The following BICRA variants were observed in gnomAD, a reference collection of about 807,000 sequenced individuals.
The protein encoded by BICRA is BRD4-interacting chromatin-remodeling complex-associated protein.
BICRA carries 31 observed loss-of-function variants against 96.9 expected under a neutral mutation model. The observed-to-expected ratio is 0.32, with a 90% CI of 0.24 to 0.43. The LOEUF (loss-of-function observed/expected upper bound fraction) is 0.43, where lower values mean the gene tolerates loss of function less well. Among genes scored for constraint, BICRA ranks in the 20% least tolerant of loss-of-function variants. The probability of loss-of-function intolerance (pLI) is 1.00; values close to 1 mark genes in which losing one functional copy is unlikely to be tolerated. For missense variants in BICRA, 2,283 were observed against 2,190.3 expected (o/e 1.04, Z -0.84); for synonymous variants, 1,350 against 1,071.8 (o/e 1.26, Z -5.07).
At chr19:47,639,652 TTTTA>T (rs1378574856) in intron 1 of BICRA, among the ~76,000 whole-genome samples, 31 of 62,566 alleles carry the variant, frequency 5.0e-4, no homozygotes, top group African/African-American at 1.7e-3. Context: ...TTTTTTTTTT[TTTTA>T]AGAGACAGGG....
Position 47,695,552 on chromosome 19 carries a change from G to C in BICRA, c.3186+78G>C. ...TGGGAACTGGGGCTGGCAGGGGCAG[G>C]GAGACACTGGAAGACGCGGACAGGA... is the stretch of plus-strand genomic sequence containing the variant. On this transcript the variant is annotated intron_variant, in intron 10 of 14. Transcript: ENST00000594866. 4.2e-6 allele frequency: 3 copies of C among 711,478 alleles called. No homozygotes were observed. The South Asian group carries it at 4.8e-5, about 11-fold the overall frequency. The allele number at this position is 711,478 out of a possible 1,614,324, so 44.1% of individuals were successfully genotyped here. A position where few individuals can be genotyped will look rare whatever the true frequency, so the allele number is the denominator to read the frequency against.
chr19:47,624,547 G>A (rs1175496411), intron 1 of BICRA, among the ~76,000 whole-genome samples: 2 of 152,146 alleles, frequency 1.3e-5, no homozygotes, highest in East Asian at 1.9e-4. Context: ...TGCTGATACT[G>A]ACATGAAGTG....
chr19:47,643,160 A>G (rs896256353), intron 1 of BICRA, among the ~76,000 whole-genome samples: 9 of 152,194 alleles, frequency 5.9e-5, no homozygotes, highest in Non-Finnish European at 1.5e-5. Context: ...TGTAAAGACA[A>G]GGTTTCGCCA....
chr19:47,610,007 G>A (rs1454088891), intron 1 of BICRA, among the ~76,000 whole-genome samples: 2 of 152,184 alleles, frequency 1.3e-5, no homozygotes, highest in Non-Finnish European at 2.9e-5. Flanking sequence ...CGAGGTTCGG[G>A]GCGGCCCCCC....
In BICRA at chr19:47,699,102, C is replaced by T; in HGVS notation, c.3492+43C>T. On this transcript the variant is annotated intron_variant, in intron 13 of 14. Coordinates refer to ENST00000594866, the MANE Select transcript of BICRA (RefSeq NM_001394372.1). This position sits in a 1 kb window ranked among gnomAD's most constrained non-coding sequence, Gnocchi z 5.0. ...TTCCTCGCCTCTGGGCTCCTCCTCG[C>T]TGGGACACTGCCCCTTTCCCTCACC... The T allele has an allele frequency of 7.7e-7, 1 of 1,296,576 alleles. No homozygotes were observed. The highest frequency in any genetic ancestry group is 1.1e-6 in the Non-Finnish European group (1 of 918,092). 80.3% of individuals were successfully genotyped at this position (1,296,576 alleles called of 1,614,324 possible). A position where few individuals can be genotyped will look rare whatever the true frequency, so the allele number is the denominator to read the frequency against.
rs1450850806 is a variant in BICRA at position 47,698,049 on chromosome 19, C to A, written c.3249-585C>A. ...CCCACTCAGTGCCCAGGCCTGAGCCCCATGTTGGGAACACAGGAGTAAGTG... is the reference window on the plus strand; with the variant it reads ...CCCACTCAGTGCCCAGGCCTGAGCCACATGTTGGGAACACAGGAGTAAGTG... On this transcript the variant is annotated intron_variant, in intron 11 of 14. Transcript: ENST00000594866. The surrounding 1 kb of genome is among the most constrained non-coding windows in gnomAD (Gnocchi z 4.8). 6.6e-6 allele frequency among the ~76,000 whole-genome samples: 1 copy of A among 152,146 alleles called. No homozygotes were observed. Among genetic ancestry groups the A allele is most frequent in the East Asian group, 1.9e-4 (1 of 5,192 alleles).
chr19:47,638,197 G>A (rs751895466), intron 1 of BICRA, among the ~76,000 whole-genome samples: 10 of 152,074 alleles, frequency 6.6e-5, no homozygotes, highest in Non-Finnish European at 1.5e-4. Flanking sequence ...TAATTTCCAG[G>A]GAGCCCGGGG....
At chr19:47,689,032 G>A (rs1394041821) in intron 7 of BICRA, among the ~76,000 whole-genome samples, 1 of 151,898 alleles carries the variant, frequency 6.6e-6, no homozygotes, top group Non-Finnish European at 1.5e-5. Context: ...TCACCATGTT[G>A]GCCAGGCTGG....
At chr19:47,671,916 A>G (rs1180345284) in intron 2 of BICRA, among the ~76,000 whole-genome samples, 11 of 69,422 alleles carry the variant, frequency 1.6e-4, no homozygotes, top group Admixed American at 1.9e-4. Context: ...GAGATGGGTA[A>G]GTAGATGGGT....
rs761559226 is a variant in BICRA at position 47,698,586 on chromosome 19, T to TCCCCC, written c.3249-45_3249-41dup. On this transcript the variant is annotated intron_variant, in intron 11 of 14. Coordinates refer to ENST00000594866, the MANE Select transcript of BICRA (RefSeq NM_001394372.1). The surrounding 1 kb of genome is among the most constrained non-coding windows in gnomAD (Gnocchi z 4.8). ...AGGGACTTCCCCTGGCCCTCACCCG[T>TCCCCC]CCCCCCCACCCTCCGCCGTGTGTGG... The TCCCCC allele has an allele frequency of 8.8e-5, 63 of 716,500 alleles. No homozygotes were observed. The highest frequency in any genetic ancestry group is 1.1e-4 in the East Asian group (4 of 34,872). The allele number at this position is 716,500 out of a possible 1,614,324, so 44.4% of individuals were successfully genotyped here.
intron 1 of BICRA, among the ~76,000 whole-genome samples, chr19:47,610,891 G>T (rs994319471): frequency 9.2e-5 from 14 of 152,058 alleles, no homozygotes; most frequent in Admixed American, 2.6e-4. Context: ...AGGACTTTTG[G>T]GACATGTTGA....
chr19:47,694,718 T>G lies in BICRA; in HGVS notation c.2887T>G (p.Phe963Val), dbSNP rs200677025. 1.3e-6 allele frequency: 2 copies of G among 1,509,444 alleles called. No individual in the cohort carries two copies. The highest frequency in any genetic ancestry group is 9.1e-7 in the Non-Finnish European group (1 of 1,104,438). 93.5% of individuals were successfully genotyped at this position (1,509,444 alleles called of 1,614,324 possible). ...CCAGCCGAAGGCTCTTCTCGAGAGA[T>G]TTCACCAGGTAACGGGAGGCAGGGA... Reference protein sequence around the residue: ...LPQPKALLERFHQVPSGIILQ... With the variant: ...LPQPKALLERVHQVPSGIILQ... The change falls in exon 8 of 15, where the codon TTT becomes GTT. Residue 963 changes from phenylalanine (F) to valine (V), a missense_variant. Phe to Val is a conservative substitution (Grantham distance 50, BLOSUM62 -1). Transcript: ENST00000594866.
At position 47,680,473 on chromosome 19, in the gene BICRA, G is replaced by A; in HGVS notation, c.1303G>A (p.Ala435Thr). 6.5e-7 allele frequency: 1 copy of A among 1,540,598 alleles called. No homozygotes were observed. Among genetic ancestry groups the A allele is most frequent in the Non-Finnish European group, 8.7e-7 (1 of 1,145,486 alleles). The change falls in exon 6 of 15, where the codon GCC (alanine) becomes ACC (threonine). Residue 435 changes from alanine to threonine, a missense_variant. By Grantham distance (58) the Ala-to-Thr change is moderately conservative. Transcript: ENST00000594866. ...GCCACCGGCCACCACCACCGGAGCG[G>A]CCCCGCCGCAGCCCCCCGGGGCCCT... ...KQPPATTTGAAPPQPPGALSK... is the reference protein window; with the variant it reads ...KQPPATTTGATPPQPPGALSK...
intron 4 of BICRA, among the ~76,000 whole-genome samples, chr19:47,674,198 A>AGCTC (rs561559644): frequency 3.5e-4 from 53 of 152,172 alleles, no homozygotes; most frequent in African/African-American, 1.2e-3. Context: ...GGGAAGAGCA[A>AGCTC]GTTCAAAGGT....
intron 1 of BICRA, among the ~76,000 whole-genome samples, chr19:47,639,200 G>T (rs1054752550): frequency 1.3e-5 from 2 of 151,194 alleles, no homozygotes; most frequent in Non-Finnish European, 2.9e-5. Flanking sequence ...TAGAGATGAG[G>T]TTTCATCATG....
At chr19:47,660,430 G>C (rs560534354) in intron 1 of BICRA, among the ~76,000 whole-genome samples, 2 of 152,170 alleles carry the variant, frequency 1.3e-5, no homozygotes, top group South Asian at 4.1e-4. Flanking sequence ...TCCAAATAAG[G>C]ATGGCCACAT....
At chr19:47,682,792 C>G (rs1015282696) in intron 7 of BICRA, among the ~76,000 whole-genome samples, 4 of 152,086 alleles carry the variant, frequency 2.6e-5, no homozygotes, top group Non-Finnish European at 5.9e-5. Context: ...CTGCCTCCAC[C>G]TCCCGCGTAG....
At chr19:47,687,113 T>G (rs561910267) in intron 7 of BICRA, among the ~76,000 whole-genome samples, 2 of 152,348 alleles carry the variant, frequency 1.3e-5, no homozygotes, top group East Asian at 3.9e-4. Flanking sequence ...TTTGTTTATT[T>G]TTCTGGGCAA....
intron 1 of BICRA, among the ~76,000 whole-genome samples, chr19:47,640,135 A>G (rs1240345593): frequency 6.6e-6 from 1 of 152,194 alleles, no homozygotes; most frequent in Non-Finnish European, 1.5e-5. Context: ...CAAAAATGAG[A>G]GTAACATTTA....
Sources: gnomAD v4.1 joint callset for allele counts (sites outside exome capture counted in the v4.1 genomes callset) on GRCh38, gnomAD v4.1.1 for gene constraint, Gnocchi (gnomAD v3.1) non-coding constraint, MANE v1.5 for transcripts, NCBI Gene and HGNC (gene_info 2026-07-23, HGNC 2026-07-21) for gene names.